The following KL variants were observed in gnomAD, a reference collection of about 807,000 sequenced individuals.
KL encodes klotho.
A neutral mutation model predicts 84.2 loss-of-function variants in KL; 62 were observed. The observed-to-expected ratio is 0.74, with a 90% CI of 0.60 to 0.91. KL has a LOEUF of 0.91. Among genes scored for constraint, KL ranks in the 40% least tolerant of loss-of-function variants. The pLI, the probability that KL is intolerant of heterozygous loss-of-function variation, is 0.00. For synonymous variants in KL, 528 were observed against 528.0 expected (o/e 1.00, Z 0.00); for missense variants, 1,261 against 1,305.7 (o/e 0.97, Z 0.53).
At chr13:33,042,776 G>T (rs1871383513) in intron 1 of KL, among the ~76,000 whole-genome samples, 2 of 152,206 alleles carry the variant, frequency 1.3e-5, no homozygotes, top group South Asian at 4.2e-4. Flanking sequence ...CTGCCACGTG[G>T]GTCCAAGCGA....
At chr13:33,019,578 A>G (rs1048768920) in intron 1 of KL, among the ~76,000 whole-genome samples, 7 of 152,048 alleles carry the variant, frequency 4.6e-5, no homozygotes, top group African/African-American at 1.7e-4. Context: ...AGAGTCAAGA[A>G]TCATTGATGG....
At position 33,016,770 on chromosome 13, in the gene KL, G is replaced by A. The variant is rs966552096; in HGVS notation, c.330G>A (p.Pro110=). 3.7e-6 allele frequency: 6 copies of A among 1,611,622 alleles called. No homozygotes were observed. The highest frequency in any genetic ancestry group is 1.7e-5 in the Admixed American group (1 of 59,928). Residue 110 remains proline (P), a synonymous_variant, in exon 1 of 5, where the codon CCG becomes CCA. Transcript: ENST00000380099. ...PPGDSRNASL[P]LGAPSPLQPA... is the part of the protein sequence containing the mutation. Reference sequence around the variant, plus strand: ...GAGACTCCCGGAACGCCAGTCTGCCGTTGGGCGCCCCGTCGCCGCTGCAGC... The same window carrying A: ...GAGACTCCCGGAACGCCAGTCTGCCATTGGGCGCCCCGTCGCCGCTGCAGC...
chr13:33,057,605 C>T (rs2138237961), intron 3 of KL, among the ~76,000 whole-genome samples: 1 of 152,252 alleles, frequency 6.6e-6, no homozygotes, highest in East Asian at 1.9e-4. Flanking sequence ...CACCCCTCCT[C>T]CTGGCAGTCT....
chr13:33,023,274 T>C (rs146818096), intron 1 of KL, among the ~76,000 whole-genome samples: 1 of 152,328 alleles, frequency 6.6e-6, no homozygotes, highest in Non-Finnish European at 1.5e-5. Flanking sequence ...CCCAGGCATA[T>C]TGTGAGAATT....
At position 33,061,779 on chromosome 13, in the gene KL, AGGTAAGGAGCCCTAGCTGC is replaced by A; in HGVS notation, c.2701+2_2701+20del. 1 of 1,613,136 alleles carries A rather than the reference AGGTAAGGAGCCCTAGCTGC, an allele frequency of 6.2e-7. No individual in the cohort carries two copies. The highest frequency in any genetic ancestry group is 8.5e-7 in the Non-Finnish European group (1 of 1,180,008). ...AGAATTACATAAACGAAGCTCTCAAAGGTAAGGAGCCCTAGCTGCGGCTATCTCCTGAAGGTTATGTCAC... is the reference window on the plus strand; with the variant it reads ...AGAATTACATAAACGAAGCTCTCAAAGGCTATCTCCTGAAGGTTATGTCAC... On this transcript the variant is annotated splice_donor_variant and splice_donor_5th_base_variant and coding_sequence_variant and intron_variant, in exon 4 of 5. Coordinates refer to ENST00000380099, the MANE Select transcript of KL (RefSeq NM_004795.4). LOFTEE classifies it high-confidence loss of function.
chr13:33,043,228 C>CT lies in KL; in HGVS notation c.820-10526dup, dbSNP rs56697823. 2.7e-3 allele frequency among the ~76,000 whole-genome samples: 394 copies of CT among 144,836 alleles called. 1 individual carries two copies. Among genetic ancestry groups the CT allele is most frequent in the African/African-American group, 7.1e-3 (284 of 39,726 alleles). On this transcript the variant is annotated intron_variant, in intron 1 of 4. Transcript: ENST00000380099. Reference sequence around the variant, plus strand: ...GTCCTTGCCAGAATTTGTTGGTAGTCTTTTTTTTTTTTTGAGGCAGCATCT... The same window carrying CT: ...GTCCTTGCCAGAATTTGTTGGTAGTCTTTTTTTTTTTTTTGAGGCAGCATCT...
rs767038900 is a variant in KL, at chr13:33,061,750, A to G, written c.2671A>G (p.Met891Val). ...AEDDQLRVYYMQNYINEALKA... is the reference protein window; with the variant it reads ...AEDDQLRVYYVQNYINEALKA... ...GGACGACCAGCTGAGGGTGTATTAT[A>G]TGCAGAATTACATAAACGAAGCTCT... is the stretch of plus-strand genomic sequence containing the variant. The change falls in exon 4 of 5, where the codon ATG becomes GTG. Residue 891 changes from methionine to valine, a missense_variant. Transcript: ENST00000380099. The G allele has an allele frequency of 6.2e-7, 1 of 1,614,060 alleles. No homozygotes were observed. The highest frequency in any genetic ancestry group is 8.5e-7 in the Non-Finnish European group (1 of 1,180,040).
At chr13:33,037,206 T>C (rs1871169762) in intron 1 of KL, among the ~76,000 whole-genome samples, 1 of 152,212 alleles carries the variant, frequency 6.6e-6, no homozygotes, top group Non-Finnish European at 1.5e-5. Flanking sequence ...ATTTTGCTCA[T>C]TTCTGTATTC....
chr13:33,057,157 C>T (rs544404809), intron 3 of KL, among the ~76,000 whole-genome samples: 1 of 152,232 alleles, frequency 6.6e-6, no homozygotes, highest in South Asian at 2.1e-4. Flanking sequence ...TGACCTTCTG[C>T]CTGCTCCCTG....
Position 33,060,890 on chromosome 13 carries a change from C to T in KL, c.1811C>T (p.Pro604Leu), listed in dbSNP as rs751229348. ...TCCCTGGACTGGGCCCTGATTCTCCCTCTGGGTAACCAGTCCCAGGTGAAC... is the reference window on the plus strand; with the variant it reads ...TCCCTGGACTGGGCCCTGATTCTCCTTCTGGGTAACCAGTCCCAGGTGAAC... ...RFSLDWALIL[P>L]LGNQSQVNHT... is the part of the protein sequence containing the mutation. Residue 604 changes from proline (P) to leucine (L), a missense_variant, in exon 4 of 5, where the codon CCT becomes CTT. By Grantham distance (98) the Pro-to-Leu change is moderately conservative. Coordinates refer to ENST00000380099, the MANE Select transcript of KL (RefSeq NM_004795.4). 4 of 1,614,218 alleles carry T rather than the reference C, an allele frequency of 2.5e-6. No homozygotes were observed. Among genetic ancestry groups the T allele is most frequent in the Non-Finnish European group, 1.7e-6 (2 of 1,180,028 alleles).
chr13:33,055,780 A>G (rs1361644905), intron 3 of KL, among the ~76,000 whole-genome samples: 2 of 152,226 alleles, frequency 1.3e-5, no homozygotes, highest in East Asian at 3.8e-4. Flanking sequence ...TAAGAAAGTA[A>G]ACCCTAGATC....
At chr13:33,034,628 C>T (rs937806908) in intron 1 of KL, among the ~76,000 whole-genome samples, 2 of 151,918 alleles carry the variant, frequency 1.3e-5, no homozygotes, top group Middle Eastern at 3.2e-3. Context: ...CACTTATTGC[C>T]TTAGAACATT....
At chr13:33,018,953 GT>G (rs1365738866) in intron 1 of KL, among the ~76,000 whole-genome samples, 6 of 152,114 alleles carry the variant, frequency 3.9e-5, no homozygotes, top group African/African-American at 1.4e-4. Flanking sequence ...TAATCAACAT[GT>G]TTTAGATCTT....
chr13:33,016,549 G>A lies in KL; in HGVS notation c.109G>A (p.Asp37Asn). 3 of 1,403,142 alleles carry A rather than the reference G, an allele frequency of 2.1e-6. No homozygotes were observed. The highest frequency in any genetic ancestry group is 2.8e-6 in the Non-Finnish European group (3 of 1,082,874). The allele number at this position is 1,403,142 out of a possible 1,614,324, so 86.9% of individuals were successfully genotyped here. The change falls in exon 1 of 5, where the codon GAC (aspartate) becomes AAC (asparagine). Residue 37 changes from aspartate to asparagine, a missense_variant. Coordinates refer to ENST00000380099, the MANE Select transcript of KL (RefSeq NM_004795.4). ...CCGCCGCCTGCGTGCGGAGCCGGGC[G>A]ACGGCGCGCAGACCTGGGCCCGTTT... ...GGRRLRAEPG[D>N]GAQTWARFSR...
chr13:33,064,589 G>C lies in KL; in HGVS notation c.*403G>C, dbSNP rs755729196. ...GTAATTGCAAGAGTTCGAATAGAAA[G>C]TTATGTACCAAGTAACCATTTCTCA... On this transcript the variant is annotated 3_prime_UTR_variant, in exon 5 of 5. Coordinates refer to ENST00000380099, the MANE Select transcript of KL (RefSeq NM_004795.4). 3.4e-5 allele frequency: 9 copies of C among 265,506 alleles called. No individual in the cohort carries two copies. Among genetic ancestry groups the C allele is most frequent in the Non-Finnish European group, 6.5e-5 (9 of 138,094 alleles). The allele number at this position is 265,506 out of a possible 1,614,324, so 16.4% of individuals were successfully genotyped here.
chr13:33,048,384 T>A (rs1871616964), intron 1 of KL, among the ~76,000 whole-genome samples: 2 of 152,220 alleles, frequency 1.3e-5, no homozygotes, highest in Non-Finnish European at 2.9e-5. Context: ...GAGTTTCAGC[T>A]GGATGCCTGA....
chr13:33,039,552 A>G (rs960839191), intron 1 of KL, among the ~76,000 whole-genome samples: 3 of 152,156 alleles, frequency 2.0e-5, no homozygotes, highest in Non-Finnish European at 4.4e-5. Context: ...AGGAATGCCT[A>G]AATGCACGTG....
chr13:33,040,293 G>A lies in KL; in HGVS notation c.820-13474G>A, dbSNP rs374272748. On this transcript the variant is annotated intron_variant, in intron 1 of 4. Coordinates refer to ENST00000380099, the MANE Select transcript of KL (RefSeq NM_004795.4). ...GCACAAACATCAGGCTAGTTGGCAT[G>A]CTTATGTAAACACCACACAGTAGCA... Among the ~76,000 whole-genome samples, 208 of 152,314 alleles carry A rather than the reference G, an allele frequency of 1.4e-3. 9 individuals are homozygous for A. In the South Asian group the frequency reaches 0.039, roughly 28 times the overall value.
intron 1 of KL, among the ~76,000 whole-genome samples, chr13:33,038,220 C>T (rs1871211907): frequency 6.6e-6 from 1 of 152,224 alleles, no homozygotes; most frequent in South Asian, 2.1e-4. Context: ...TGGCCCCATA[C>T]TGTCTATTGT....
Sources: gnomAD v4.1 joint callset for allele counts (sites outside exome capture counted in the v4.1 genomes callset) on GRCh38, gnomAD v4.1.1 for gene constraint, MANE v1.5 for transcripts, NCBI Gene and HGNC (gene_info 2026-07-23, HGNC 2026-07-21) for gene names.